ANKS3: variants seen among roughly 807,000 people sequenced by gnomAD.
The protein encoded by ANKS3 is ankyrin repeat and sterile alpha motif domain containing 3, also known as ankyrin repeat and SAM domain-containing protein 3.
ANKS3 carries 62 observed loss-of-function variants against 80.7 expected under a neutral mutation model. The ratio of observed to expected loss-of-function variants is 0.77; its 90% CI spans 0.63 to 0.95. ANKS3 has a LOEUF of 0.95. Ranked by LOEUF, ANKS3 falls within the 40% of genes least tolerant of loss-of-function variation. ANKS3 has a pLI of 0.00. For missense variants in ANKS3, 1,150 were observed against 883.6 expected (o/e 1.30, Z -3.82); for synonymous variants, 489 against 355.3 (o/e 1.38, Z -4.23).
At chr16:4,701,371 G>T in intron 10 of ANKS3, 63 bp downstream of exon 10, 1 of 1,448,578 alleles carries the variant, frequency 6.9e-7, no homozygotes, top group East Asian at 2.4e-5. Flanking sequence ...AAAGTAACTG[G>T]GGGATGTCAG....
At chr16:4,700,686 G>C (rs904407749) in intron 11 of ANKS3, 1 of 535,070 alleles carries the variant, frequency 1.9e-6, no homozygotes, top group Non-Finnish European at 3.4e-6. Flanking sequence ...GCAGCTCTGA[G>C]GTCAAGTGTG....
chr16:4,724,868 G>C (rs780738669), intron 5 of ANKS3, 37 bp from the exon 6 acceptor site: 23 of 1,603,880 alleles, frequency 1.4e-5, no homozygotes, highest in Non-Finnish European at 1.8e-5. Context: ...GATTGGAAGA[G>C]ACAAGTTCCG....
intron 7 of ANKS3, among the ~76,000 whole-genome samples, chr16:4,710,790 G>C (rs1215943048): frequency 6.6e-6 from 1 of 152,112 alleles, no homozygotes; most frequent in Non-Finnish European, 1.5e-5. Context: ...ATTTTATTTT[G>C]TTTTATTTTA....
rs2081403039 is a variant in ANKS3, at chr16:4,727,264, G to C, written c.171-87C>G. 4 of 1,401,316 alleles carry C rather than the reference G, an allele frequency of 2.9e-6. No homozygotes were observed. In the Admixed American group the frequency reaches 5.5e-5, roughly 19 times the overall value. The allele number at this position is 1,401,316 out of a possible 1,614,324, so 86.8% of individuals were successfully genotyped here. ...CTGGTGGCGAGGCTAGGCCAGGCGG[G>C]ATGAGTTGACAGGAAGCAGAAGTTA... is the stretch of plus-strand genomic sequence containing the variant. On this transcript the variant is annotated intron_variant, in intron 3 of 17. Coordinates refer to ENST00000304283, the MANE Select transcript of ANKS3 (RefSeq NM_133450.4).
chr16:4,698,684 G>A (rs530621085), intron 13 of ANKS3, 85 bp from the exon 14 acceptor site: 18 of 1,526,094 alleles, frequency 1.2e-5, no homozygotes, highest in Middle Eastern at 4.9e-4. Flanking sequence ...TGTGTGTGGG[G>A]CCCTCTCCCC....
intron 15 of ANKS3, among the ~76,000 whole-genome samples, chr16:4,697,698 A>G (rs1040601422): frequency 1.3e-5 from 2 of 152,174 alleles, no homozygotes; most frequent in Non-Finnish European, 2.9e-5. Context: ...TACAGAAGTC[A>G]CTGGCGGTCT....
Position 4,699,195 on chromosome 16 carries a change from A to G in ANKS3, c.1285-19T>C. 6.2e-7 allele frequency: 1 copy of G among 1,613,110 alleles called. No homozygotes were observed. The highest frequency in any genetic ancestry group is 8.5e-7 in the Non-Finnish European group (1 of 1,179,662). On this transcript the variant is annotated intron_variant, in intron 11 of 17. Coordinates refer to ENST00000304283, the MANE Select transcript of ANKS3 (RefSeq NM_133450.4). ...CAAGGTCCTGGCAGGCACAGGGGAC[A>G]GGTTGGGGGAGGTAGTGGCTGACGA...
At chr16:4,722,672 C>T (rs2081163993) in intron 6 of ANKS3, among the ~76,000 whole-genome samples, 1 of 151,552 alleles carries the variant, frequency 6.6e-6, no homozygotes, top group South Asian at 2.1e-4. Context: ...AATCCTAGCA[C>T]TTTGGGAGGC....
chr16:4,717,517 G>A (rs749467225), intron 6 of ANKS3: 3 of 151,332 alleles, frequency 2.0e-5, no homozygotes, highest in Non-Finnish European at 4.4e-5. Flanking sequence ...GCAGTAAGCT[G>A]CTGCACTCCA....
chr16:4,726,119 G>A (rs566950465), intron 5 of ANKS3, among the ~76,000 whole-genome samples: 1 of 151,732 alleles, frequency 6.6e-6, no homozygotes, highest in East Asian at 1.9e-4. Flanking sequence ...GGGACTACAG[G>A]CGCCCGTCAC....
intron 6 of ANKS3, among the ~76,000 whole-genome samples, chr16:4,715,539 C>T (rs1170289923): frequency 6.6e-5 from 10 of 152,024 alleles, no homozygotes; most frequent in African/African-American, 2.2e-4. Flanking sequence ...GACGCTGCAG[C>T]GAGCTGAGAT....
intron 11 of ANKS3, chr16:4,700,005 G>T (rs573774172): frequency 6.6e-6 from 1 of 152,512 alleles, no homozygotes; most frequent in African/African-American, 2.4e-5. Context: ...CTCAACGTAT[G>T]TTGAAGGGAC....
chr16:4,734,116 G>A lies in ANKS3; in HGVS notation c.-249C>T, dbSNP rs749613006. On this transcript the variant is annotated 5_prime_UTR_variant, in exon 1 of 18. Coordinates refer to ENST00000304283, the MANE Select transcript of ANKS3 (RefSeq NM_133450.4). ...AGCGCCGGGTCTAGGCGGGCTGCAG[G>A]TGCCGGCAAGTGCTGGGGCCGGGCC... is the stretch of plus-strand genomic sequence containing the variant. 159 of 781,924 alleles carry A rather than the reference G, an allele frequency of 2.0e-4. No homozygotes were observed. The highest frequency in any genetic ancestry group is 2.9e-4 in the South Asian group (5 of 17,390). 48.4% of individuals were successfully genotyped at this position (781,924 alleles called of 1,614,324 possible). A position where few individuals can be genotyped will look rare whatever the true frequency, so the allele number is the denominator to read the frequency against.
Position 4,697,963 on chromosome 16 carries a change from G to A in ANKS3, c.1810+14C>T. 6.4e-7 allele frequency: 1 copy of A among 1,569,172 alleles called. No individual in the cohort carries two copies. The highest frequency in any genetic ancestry group is 8.6e-7 in the Non-Finnish European group (1 of 1,159,374). On this transcript the variant is annotated intron_variant, in intron 15 of 17. Coordinates refer to ENST00000304283, the MANE Select transcript of ANKS3 (RefSeq NM_133450.4). Reference sequence around the variant, plus strand: ...TCCCCTCTGCCCAGTGCGGAGTCAGGCCACTGCTCTTACCAGCTGGGGGGA... The same window carrying A: ...TCCCCTCTGCCCAGTGCGGAGTCAGACCACTGCTCTTACCAGCTGGGGGGA...
intron 1 of ANKS3, 47 bp downstream of exon 1, chr16:4,733,891 C>G (rs1315363295): frequency 1.0e-6 from 1 of 983,956 alleles, no homozygotes; most frequent in Non-Finnish European, 1.2e-6. Flanking sequence ...GCAAAGGTAG[C>G]TCACTGGCCC....
chr16:4,708,362 T>C (rs2080310319), intron 7 of ANKS3, among the ~76,000 whole-genome samples: 1 of 151,934 alleles, frequency 6.6e-6, no homozygotes, highest in African/African-American at 2.4e-5. Context: ...TTACAGAATT[T>C]CTAAAAATAA....
At chr16:4,729,914 C>G in intron 3 of ANKS3, 66 bp downstream of exon 3, 1 of 1,364,074 alleles carries the variant, frequency 7.3e-7, no homozygotes, top group Non-Finnish European at 9.6e-7. Context: ...AAAGCCCCAT[C>G]ACGTGGGATC....
rs910001892 is a variant in ANKS3, at chr16:4,734,013, C to G, written c.-146G>C. ...CGGCGCACAGGGCATTACTGTGCCC[C>G]CACCACAACCACATAAAGAAAATGT... is the stretch of plus-strand genomic sequence containing the variant. On this transcript the variant is annotated 5_prime_UTR_variant, in exon 1 of 18. Transcript: ENST00000304283. 1 of 985,258 alleles carries G rather than the reference C, an allele frequency of 1.0e-6. No individual in the cohort carries two copies. Among genetic ancestry groups the G allele is most frequent in the South Asian group, 4.7e-5 (1 of 21,296 alleles). The allele number at this position is 985,258 out of a possible 1,614,324, so 61.0% of individuals were successfully genotyped here.
chr16:4,723,104 G>C (rs565303459), intron 6 of ANKS3, among the ~76,000 whole-genome samples: 9 of 152,232 alleles, frequency 5.9e-5, no homozygotes, highest in Admixed American at 5.9e-4. Flanking sequence ...GACAACCTTG[G>C]TAGTGGGAAT....
Sources: allele counts gnomAD v4.1 joint callset (sites outside exome capture counted in the v4.1 genomes callset), GRCh38; gene constraint gnomAD v4.1.1; transcripts MANE v1.5; gene names NCBI Gene and HGNC (gene_info 2026-07-23, HGNC 2026-07-21).